The following TNIK variants were observed in gnomAD, a reference collection of about 807,000 sequenced individuals.
TNIK encodes the protein TRAF2 and NCK-interacting protein kinase.
In TNIK, 49 loss-of-function variants were observed where a neutral mutation model predicts 191.3. That is an observed-to-expected ratio of 0.26 (90% CI 0.20 to 0.32). The LOEUF (loss-of-function observed/expected upper bound fraction) is 0.32, where lower values mean the gene tolerates loss of function less well. Ranked by LOEUF, TNIK falls within the 10% of genes least tolerant of loss-of-function variation. The pLI is 1.00. For synonymous variants in TNIK, 594 were observed against 600.9 expected, an observed-to-expected ratio of 0.99 and a Z score of 0.17; for missense variants, 1,155 against 1,702.3, an observed-to-expected ratio of 0.68 and a Z score of 5.66.
chr3:171,299,128 C>T (rs1752626370), intron 2 of TNIK, among the ~76,000 whole-genome samples: 1 of 152,182 alleles, frequency 6.6e-6, no homozygotes, highest in African/African-American at 2.4e-5. Flanking sequence ...CTGCACAAGA[C>T]CTTTCCCATC....
At chr3:171,271,975 A>G (rs1270017853) in intron 2 of TNIK, among the ~76,000 whole-genome samples, 4 of 152,250 alleles carry the variant, frequency 2.6e-5, no homozygotes, top group African/African-American at 9.6e-5. Flanking sequence ...ACAGGCACCC[A>G]AAACATTTGT....
chr3:171,085,330 C>G (rs1721208250), intron 24 of TNIK, 101 bp from the exon 25 acceptor site: 2 of 1,149,182 alleles, frequency 1.7e-6, no homozygotes, highest in Non-Finnish European at 2.4e-6. Flanking sequence ...ACAGATTCTT[C>G]AAGGTATTCA....
chr3:171,101,002 T>G (rs1201945556), intron 22 of TNIK, among the ~76,000 whole-genome samples: 1 of 152,142 alleles, frequency 6.6e-6, no homozygotes, highest in African/African-American at 2.4e-5. Context: ...TAACGCATGC[T>G]GGCTTGTGCA....
At chr3:171,134,671 A>G (rs1309493337) in intron 15 of TNIK, among the ~76,000 whole-genome samples, 1 of 152,186 alleles carries the variant, frequency 6.6e-6, no homozygotes, top group Non-Finnish European at 1.5e-5. Context: ...TACTCAGTAA[A>G]AGGAGGGAGA....
intron 2 of TNIK, among the ~76,000 whole-genome samples, chr3:171,244,078 T>TTA (rs1553867258): frequency 6.7e-6 from 1 of 149,022 alleles, no homozygotes. Context: ...TTTTTTTTTT[T>TTA]AAGACAGAGT....
chr3:171,103,795 C>T (rs147422937), intron 21 of TNIK, among the ~76,000 whole-genome samples: 510 of 151,916 alleles, frequency 3.4e-3, no homozygotes, highest in African/African-American at 0.011. Context: ...ATTAATGATA[C>T]ATTTTCCCCA....
intron 2 of TNIK, among the ~76,000 whole-genome samples, chr3:171,336,657 G>A (rs1293992499): frequency 1.3e-5 from 2 of 152,286 alleles, no homozygotes; most frequent in Non-Finnish European, 2.9e-5. Context: ...CCATTAATAA[G>A]TGTCCTTGGG....
At chr3:171,274,239 G>C (rs573043342) in intron 2 of TNIK, among the ~76,000 whole-genome samples, 8 of 152,288 alleles carry the variant, frequency 5.3e-5, no homozygotes, top group African/African-American at 1.9e-4. Flanking sequence ...TAATTCTCAA[G>C]AATTAATCTG....
chr3:171,407,930 T>C (rs1304928210), intron 1 of TNIK, among the ~76,000 whole-genome samples: 3 of 152,228 alleles, frequency 2.0e-5, no homozygotes, highest in Non-Finnish European at 4.4e-5. Flanking sequence ...ATCATGGTTC[T>C]GAGTCAGCTT....
chr3:171,184,180 A>G (rs1036711738), intron 7 of TNIK, among the ~76,000 whole-genome samples: 1 of 152,154 alleles, frequency 6.6e-6, no homozygotes, highest in Non-Finnish European at 1.5e-5. Context: ...TAGGAGGCAA[A>G]GTCTAAACTG....
At position 171,157,531 on chromosome 3, in the gene TNIK, T is replaced by A; in HGVS notation, c.1150A>T (p.Lys384Ter). ...EQQQRENEEH[K>*]RQLLAERQKR... ...TGACGCTCGGCCAGCAGCTGCCGCT[T>A]GTGCTCCTCATTCTCCCGCTGCTGC... Residue 384 changes from lysine (K) to a stop codon, truncating the protein, a stop_gained, in exon 12 of 33, where the codon AAG becomes TAG. Transcript: ENST00000436636. LOFTEE classifies it high-confidence loss of function. 6.4e-7 allele frequency: 1 copy of A among 1,571,574 alleles called. No homozygotes were observed. The highest frequency in any genetic ancestry group is 8.6e-7 in the Non-Finnish European group (1 of 1,158,744).
chr3:171,107,931 G>T, intron 20 of TNIK, 134 bp downstream of exon 20: 2 of 805,426 alleles, frequency 2.5e-6, no homozygotes, highest in Non-Finnish European at 3.8e-6. Flanking sequence ...GACTTTCTTC[G>T]GGATGTTTCT....
chr3:171,291,240 A>G (rs1751648469), intron 2 of TNIK, among the ~76,000 whole-genome samples: 1 of 152,176 alleles, frequency 6.6e-6, no homozygotes, highest in South Asian at 2.1e-4. Flanking sequence ...AGATAATGTT[A>G]TAGTTTTTGC....
At chr3:171,201,133 C>T (rs190945637) in intron 4 of TNIK, among the ~76,000 whole-genome samples, 4 of 152,318 alleles carry the variant, frequency 2.6e-5, no homozygotes, top group Admixed American at 1.3e-4. Context: ...GGCACAGTGG[C>T]TTACGCCTGT....
At chr3:171,375,972 T>C (rs573280122) in intron 1 of TNIK, among the ~76,000 whole-genome samples, 12 of 152,146 alleles carry the variant, frequency 7.9e-5, no homozygotes, top group Admixed American at 2.6e-4. Flanking sequence ...AGAATACGGA[T>C]GGCTGATAGT....
chr3:171,192,815 T>C (rs565367976), intron 5 of TNIK, among the ~76,000 whole-genome samples: 26 of 152,348 alleles, frequency 1.7e-4, no homozygotes, highest in Admixed American at 1.4e-3. Flanking sequence ...AAACGTCAGA[T>C]GTGAAGGAAA....
intron 2 of TNIK, among the ~76,000 whole-genome samples, chr3:171,350,771 C>CTATTA (rs1244200293): frequency 6.6e-6 from 1 of 152,084 alleles, no homozygotes; most frequent in Admixed American, 6.5e-5. Flanking sequence ...GAGCTAGGTA[C>CTATTA]TATTATTCCT....
intron 9 of TNIK, among the ~76,000 whole-genome samples, chr3:171,174,344 T>A (rs1006063037): frequency 6.6e-6 from 1 of 152,130 alleles, no homozygotes; most frequent in African/African-American, 2.4e-5. Context: ...CCTCATGGTC[T>A]CACTGCCCAG....
At position 171,282,341 on chromosome 3, in the gene TNIK, G is replaced by GTTTTTTTTTTTTTTT. The variant is rs869305605; in HGVS notation, c.124-54135_124-54121dup. On this transcript the variant is annotated intron_variant, in intron 2 of 32. Coordinates refer to ENST00000436636, the MANE Select transcript of TNIK (RefSeq NM_015028.4). ...CTGCAGATTCTCTTAATGGTTTTTT[G>GTTTTTTTTTTTTTTT]TTTTTTTTTTTTTTTTTGAGATGGA... 2.1e-4 allele frequency among the ~76,000 whole-genome samples: 17 copies of GTTTTTTTTTTTTTTT among 79,966 alleles called. 1 individual carries two copies. The highest frequency in any genetic ancestry group is 6.7e-4 in the African/African-American group (15 of 22,444). The allele number at this position is 79,966 out of a possible 152,430, so 52.5% of individuals were successfully genotyped here.
Sources: allele counts gnomAD v4.1 joint callset (sites outside exome capture counted in the v4.1 genomes callset), GRCh38; gene constraint gnomAD v4.1.1; transcripts MANE v1.5; gene names NCBI Gene and HGNC (gene_info 2026-07-23, HGNC 2026-07-21).